L3MBTL3: variants seen among roughly 807,000 people sequenced by gnomAD.
L3MBTL3 encodes L3MBTL histone methyl-lysine binding protein 3, also known as lethal(3)malignant brain tumor-like protein 3.
In L3MBTL3, 27 loss-of-function variants were observed where a neutral mutation model predicts 102.3. That is an observed-to-expected ratio of 0.26 (90% CI 0.19 to 0.36). L3MBTL3 has a LOEUF of 0.36. Among genes scored for constraint, L3MBTL3 ranks in the 10% least tolerant of loss-of-function variants. The pLI is 1.00. For missense variants in L3MBTL3, 798 were observed against 955.3 expected (o/e 0.84, Z 2.17); for synonymous variants, 340 against 320.9 (o/e 1.06, Z -0.64).
rs560957468 is a variant in L3MBTL3, at chr6:130,060,763, G to A, written c.864+623G>A. 2.6e-5 allele frequency among the ~76,000 whole-genome samples: 4 copies of A among 151,140 alleles called. 1 individual carries two copies. In the South Asian group the frequency reaches 8.3e-4, roughly 32 times the overall value. On this transcript the variant is annotated intron_variant, in intron 10 of 22. Coordinates refer to ENST00000361794, the MANE Select transcript of L3MBTL3 (RefSeq NM_032438.4). ...AAATTTTTCAGGAAAAAATGACCAA[G>A]TCAATTATACATACATATATTACTG...
intron 19 of L3MBTL3, among the ~76,000 whole-genome samples, chr6:130,107,167 C>T (rs911524414): frequency 6.6e-6 from 1 of 152,076 alleles, no homozygotes; most frequent in African/African-American, 2.4e-5. Context: ...CTTAAGGGTT[C>T]AGAGGTGAGT....
chr6:130,092,654 TAGA>T, intron 16 of L3MBTL3, 88 bp from the exon 17 acceptor site: 4 of 718,632 alleles, frequency 5.6e-6, no homozygotes, highest in Middle Eastern at 2.6e-4. Context: ...CTGTATGTGT[TAGA>T]ATGAAAATGG....
At chr6:130,131,221 C>T (rs1314800170) in intron 20 of L3MBTL3, among the ~76,000 whole-genome samples, 5 of 147,124 alleles carry the variant, frequency 3.4e-5, no homozygotes, top group Admixed American at 2.7e-4. Context: ...AAAAGAGCCT[C>T]TCTATGTGGA....
chr6:130,064,106 A>C (rs550333872), intron 10 of L3MBTL3, among the ~76,000 whole-genome samples: 1 of 152,332 alleles, frequency 6.6e-6, no homozygotes, highest in East Asian at 1.9e-4. Flanking sequence ...ATCACCATTT[A>C]CTAGACTTGG....
intron 19 of L3MBTL3, among the ~76,000 whole-genome samples, chr6:130,110,782 G>A (rs1436534858): frequency 2.0e-5 from 3 of 152,168 alleles, no homozygotes; most frequent in Non-Finnish European, 4.4e-5. Flanking sequence ...GTTTTCAAAG[G>A]GAATGCTTCC....
intron 3 of L3MBTL3, 22 bp downstream of exon 3, chr6:130,042,823 C>CATAATTGTATGT: frequency 6.9e-7 from 1 of 1,455,406 alleles, no homozygotes; most frequent in Non-Finnish European, 9.7e-7. Flanking sequence ...TTATTACATA[C>CATAATTGTATGT]AATTATGTGT....
intron 12 of L3MBTL3, among the ~76,000 whole-genome samples, chr6:130,068,732 T>C (rs1467351693): frequency 1.3e-5 from 2 of 152,192 alleles, no homozygotes; most frequent in African/African-American, 4.8e-5. Flanking sequence ...ATCACTTATA[T>C]GGGAGTGCTG....
At chr6:130,135,610 T>G (rs1002004866) in intron 22 of L3MBTL3, among the ~76,000 whole-genome samples, 1 of 152,236 alleles carries the variant, frequency 6.6e-6, no homozygotes, top group Non-Finnish European at 1.5e-5. Context: ...TGCTATTTTT[T>G]GAGTAATTTT....
intron 20 of L3MBTL3, among the ~76,000 whole-genome samples, chr6:130,130,963 A>C (rs962406461): frequency 1.3e-5 from 2 of 152,214 alleles, no homozygotes; most frequent in East Asian, 3.8e-4. Flanking sequence ...ATAAGAAATA[A>C]ATTTTTTAAA....
chr6:130,045,653 A>G (rs1213875266), intron 3 of L3MBTL3, among the ~76,000 whole-genome samples: 6 of 152,150 alleles, frequency 3.9e-5, no homozygotes, highest in Admixed American at 3.9e-4. Context: ...AAACACCTTC[A>G]TATCAAAAGA....
chr6:130,084,840 T>A (rs1165841257), intron 15 of L3MBTL3, among the ~76,000 whole-genome samples: 4 of 152,174 alleles, frequency 2.6e-5, no homozygotes, highest in African/African-American at 7.2e-5. Flanking sequence ...ACCCTTTTTT[T>A]GTTGTTTGAG....
chr6:130,058,535 A>G (rs991678257), intron 9 of L3MBTL3, among the ~76,000 whole-genome samples: 2 of 152,152 alleles, frequency 1.3e-5, no homozygotes, highest in East Asian at 1.9e-4. Flanking sequence ...GTGAGCTGCA[A>G]TCCTGCCACT....
At chr6:130,112,505 TC>T (rs1433481619) in intron 19 of L3MBTL3, among the ~76,000 whole-genome samples, 1 of 152,130 alleles carries the variant, frequency 6.6e-6, no homozygotes, top group African/African-American at 2.4e-5. Flanking sequence ...GAGTGGTATG[TC>T]CCAAACTGTT....
At chr6:130,073,505 G>T (rs959328059) in intron 13 of L3MBTL3, among the ~76,000 whole-genome samples, 4 of 152,236 alleles carry the variant, frequency 2.6e-5, no homozygotes, top group Non-Finnish European at 5.9e-5. Flanking sequence ...TTTATTTGGG[G>T]AGGATTTTTT....
chr6:130,090,276 A>T (rs1783961342), intron 16 of L3MBTL3, among the ~76,000 whole-genome samples: 1 of 152,168 alleles, frequency 6.6e-6, no homozygotes. Flanking sequence ...CAGTCTCCTG[A>T]TGATGGGCAC....
intron 16 of L3MBTL3, among the ~76,000 whole-genome samples, chr6:130,086,917 G>T (rs866681118): frequency 6.6e-6 from 1 of 152,172 alleles, no homozygotes; most frequent in South Asian, 2.1e-4. Flanking sequence ...AATAAGAATA[G>T]TTATAACAGC....
At chr6:130,121,765 A>G (rs925032397) in intron 20 of L3MBTL3, among the ~76,000 whole-genome samples, 1 of 152,242 alleles carries the variant, frequency 6.6e-6, no homozygotes, top group Non-Finnish European at 1.5e-5. Context: ...ATTGGAGGAA[A>G]TAATTTGTCC....
chr6:130,023,749 A>T (rs1170586078), intron 2 of L3MBTL3, among the ~76,000 whole-genome samples: 1 of 152,172 alleles, frequency 6.6e-6, no homozygotes, highest in Non-Finnish European at 1.5e-5. Context: ...GTCCAGCTTT[A>T]TGAAGGGCTG....
At position 130,051,240 on chromosome 6, in the gene L3MBTL3, A is replaced by T; in HGVS notation, c.290-9A>T. On this transcript the variant is annotated splice_polypyrimidine_tract_variant and intron_variant, in intron 5 of 22. Transcript: ENST00000361794. ...GTTGTAATTTGCATTTCTTCTTTTCATCTTCTAGTCTTTTCAGAGAAGACT... is the reference window on the plus strand; with the variant it reads ...GTTGTAATTTGCATTTCTTCTTTTCTTCTTCTAGTCTTTTCAGAGAAGACT... 1 of 1,590,688 alleles carries T rather than the reference A, an allele frequency of 6.3e-7. No homozygotes were observed. The highest frequency in any genetic ancestry group is 8.6e-7 in the Non-Finnish European group (1 of 1,167,414).
Sources: gnomAD v4.1 joint callset for allele counts (sites outside exome capture counted in the v4.1 genomes callset) on GRCh38, gnomAD v4.1.1 for gene constraint, MANE v1.5 for transcripts, NCBI Gene and HGNC (gene_info 2026-07-23, HGNC 2026-07-21) for gene names.